The following RAB38 variants were observed in gnomAD, a reference collection of about 807,000 sequenced individuals.
RAB38 encodes the protein RAB38, member RAS oncogene family.
A neutral mutation model predicts 18.4 loss-of-function variants in RAB38; 15 were observed. The ratio of observed to expected loss-of-function variants is 0.82; its 90% CI spans 0.55 to 1.26. The LOEUF is 1.26. Ranked by LOEUF, RAB38 falls within the 50% of genes most tolerant of loss-of-function variation. The pLI is 0.00. For synonymous variants in RAB38, 101 were observed against 104.4 expected (o/e 0.97, Z 0.20); for missense variants, 294 against 267.4 (o/e 1.10, Z -0.69).
At chr11:87,839,316 T>G in the RAB38 span, among the ~76,000 whole-genome samples, 1 of 152,346 alleles carries the variant, frequency 6.6e-6, no homozygotes, top group African/African-American at 2.4e-5. Flanking sequence ...AATAATACTT[T>G]GTTAATTAAA....
chr11:88,122,409 T>G lies in RAB38; in HGVS notation c.484-8269A>C, dbSNP rs186098158. Among the ~76,000 whole-genome samples the G allele has an allele frequency of 1.8e-3, 278 of 152,346 alleles. 1 individual carries two copies. In the Middle Eastern group the frequency reaches 0.024, roughly 13 times the overall value. On this transcript the variant is annotated intron_variant, in intron 2 of 2. Transcript: ENST00000243662. ...ATAAAGATAAGCATAAAGATTATGT[T>G]TAGCCAGACTTAACAAACCCCATTC...
the RAB38 span, among the ~76,000 whole-genome samples, chr11:87,975,358 G>A: frequency 3.3e-5 from 5 of 152,004 alleles, no homozygotes; most frequent in South Asian, 1.0e-3. Flanking sequence ...GGTTTTCAAA[G>A]ATGAGACAAA....
chr11:88,052,923 T>TC, the RAB38 span, among the ~76,000 whole-genome samples: 10 of 23,680 alleles, frequency 4.2e-4, 1 homozygote, highest in African/African-American at 2.0e-3. Flanking sequence ...TATATATATA[T>TC]ATATATATAT....
the RAB38 span, among the ~76,000 whole-genome samples, chr11:87,928,440 G>T: frequency 6.6e-6 from 1 of 151,918 alleles, no homozygotes; most frequent in Non-Finnish European, 1.5e-5. Context: ...ATGATATTGA[G>T]TCATCCTTAT....
chr11:88,080,915 TGAAA>T, the RAB38 span, among the ~76,000 whole-genome samples: 1 of 150,548 alleles, frequency 6.6e-6, no homozygotes, highest in South Asian at 2.1e-4. Context: ...AAAATAATAA[TGAAA>T]GAAAGATAAC....
chr11:87,811,260 A>T, the RAB38 span, among the ~76,000 whole-genome samples: 2 of 152,036 alleles, frequency 1.3e-5, no homozygotes, highest in African/African-American at 4.8e-5. Context: ...ATGCCCAGGA[A>T]TTTTCTTCTC....
chr11:87,842,808 A>G, the RAB38 span, among the ~76,000 whole-genome samples: 3,873 of 75,338 alleles, frequency 0.051, 96 homozygotes, highest in African/African-American at 0.14. Context: ...ACACACACAC[A>G]CGCGCGCGCA....
At chr11:88,005,107 T>C in the RAB38 span, among the ~76,000 whole-genome samples, 3 of 151,436 alleles carry the variant, frequency 2.0e-5, no homozygotes, top group Middle Eastern at 3.2e-3. Flanking sequence ...ATAAGCTTCT[T>C]TTTGGTAGAA....
chr11:87,864,395 G>A, the RAB38 span, among the ~76,000 whole-genome samples: 72 of 150,988 alleles, frequency 4.8e-4, no homozygotes, highest in African/African-American at 1.7e-3. Context: ...CTCAATACAT[G>A]TACATTATTA....
the RAB38 span, among the ~76,000 whole-genome samples, chr11:87,899,465 G>A: frequency 6.6e-6 from 1 of 151,646 alleles, no homozygotes; most frequent in Admixed American, 6.6e-5. Flanking sequence ...GAGAGAAGCT[G>A]TACTTTTTAA....
chr11:87,898,445 C>G, the RAB38 span, among the ~76,000 whole-genome samples: 1 of 151,056 alleles, frequency 6.6e-6, no homozygotes, highest in Non-Finnish European at 1.5e-5. Context: ...ATCTCAGGTG[C>G]AATTTCACAT....
chr11:88,105,632 A>G, the RAB38 span, among the ~76,000 whole-genome samples: 1 of 152,164 alleles, frequency 6.6e-6, no homozygotes, highest in African/African-American at 2.4e-5. Flanking sequence ...CAGCTGTCAC[A>G]TGGGGTGAGA....
At chr11:88,144,872 CT>C (rs1942961980) in intron 2 of RAB38, among the ~76,000 whole-genome samples, 1 of 152,160 alleles carries the variant, frequency 6.6e-6, no homozygotes. Flanking sequence ...TTGCTCCATT[CT>C]TTCCCACCTA....
chr11:87,830,714 G>A, the RAB38 span, among the ~76,000 whole-genome samples: 1 of 151,894 alleles, frequency 6.6e-6, no homozygotes, highest in Non-Finnish European at 1.5e-5. Flanking sequence ...ATAATGATAT[G>A]CTCTAATATC....
At chr11:87,977,409 TA>T in the RAB38 span, among the ~76,000 whole-genome samples, 251 of 64,272 alleles carry the variant, frequency 3.9e-3, 22 homozygotes, top group Admixed American at 6.0e-3. Context: ...AATTATATTA[TA>T]AAATATAATT....
chr11:88,060,185 G>C, the RAB38 span: 4 of 152,118 alleles, frequency 2.6e-5, no homozygotes, highest in African/African-American at 9.7e-5. Context: ...GCACGTTTTT[G>C]ATCAGAACTG....
At chr11:87,960,397 A>G in the RAB38 span, among the ~76,000 whole-genome samples, 2 of 150,740 alleles carry the variant, frequency 1.3e-5, no homozygotes, top group Non-Finnish European at 3.0e-5. Flanking sequence ...AGAAAAAAAG[A>G]GAGAAATAAG....
the RAB38 span, among the ~76,000 whole-genome samples, chr11:87,926,712 A>G: frequency 1.3e-5 from 2 of 151,956 alleles, no homozygotes; most frequent in East Asian, 3.9e-4. Flanking sequence ...GAGCTTTATT[A>G]CTCAAGGATG....
chr11:88,098,008 A>T, the RAB38 span: 1 of 151,890 alleles, frequency 6.6e-6, no homozygotes, highest in Non-Finnish European at 1.5e-5. Flanking sequence ...TGTCCTTGTG[A>T]TTTGATTTAT....
Sources: gnomAD v4.1 joint callset for allele counts (sites outside exome capture counted in the v4.1 genomes callset) on GRCh38, gnomAD v4.1.1 for gene constraint, MANE v1.5 for transcripts, NCBI Gene and HGNC (gene_info 2026-07-23, HGNC 2026-07-21) for gene names.